The following MME variants were observed in gnomAD, a reference collection of about 807,000 sequenced individuals.
MME encodes the protein neprilysin.
Under a neutral mutation model 113.2 loss-of-function variants are expected in MME, and 98 were observed. That is an observed-to-expected ratio of 0.87 (90% CI 0.74 to 1.02). The LOEUF is 1.02. Ranked by LOEUF, MME falls within the 50% of genes least tolerant of loss-of-function variation. The pLI, the probability that MME is intolerant of heterozygous loss-of-function variation, is 0.00. For missense variants in MME, 836 were observed against 896.0 expected (o/e 0.93, Z 0.86); for synonymous variants, 292 against 300.6 (o/e 0.97, Z 0.30).
chr3:155,027,293 C>T (rs1712819541), intron 1 of MME, among the ~76,000 whole-genome samples: 1 of 146,524 alleles, frequency 6.8e-6, no homozygotes, highest in Non-Finnish European at 1.5e-5. Flanking sequence ...ACACTTCCCT[C>T]ATCTACACAA....
intron 1 of MME, among the ~76,000 whole-genome samples, chr3:155,051,712 G>A (rs1713769525): frequency 6.6e-6 from 1 of 152,138 alleles, no homozygotes; most frequent in Non-Finnish European, 1.5e-5. Context: ...TACAATTCAA[G>A]ATGAGATTTT....
At chr3:155,084,473 A>T in intron 2 of MME, 146 bp downstream of exon 2, 2 of 791,550 alleles carry the variant, frequency 2.5e-6, no homozygotes, top group South Asian at 3.2e-5. Flanking sequence ...TGTAACATCA[A>T]TATGTCAAAA....
intron 1 of MME, among the ~76,000 whole-genome samples, chr3:155,071,348 AAC>A (rs1714547745): frequency 6.6e-6 from 1 of 152,184 alleles, no homozygotes; most frequent in East Asian, 1.9e-4. Context: ...CAGCACATGG[AAC>A]AGTTTAGCCA....
intron 1 of MME, among the ~76,000 whole-genome samples, chr3:155,049,197 C>T (rs1484063508): frequency 2.6e-5 from 4 of 152,012 alleles, no homozygotes; most frequent in African/African-American, 9.7e-5. Context: ...CAGAATATTA[C>T]CTTATTTAGA....
intron 16 of MME, among the ~76,000 whole-genome samples, chr3:155,149,181 A>G (rs1028987680): frequency 2.0e-5 from 3 of 152,180 alleles, no homozygotes; most frequent in African/African-American, 7.2e-5. Flanking sequence ...TCTGCTTATT[A>G]GTGACATTAG....
chr3:155,147,263 T>C, intron 15 of MME, 39 bp downstream of exon 15: 1 of 1,230,692 alleles, frequency 8.1e-7, no homozygotes, highest in Non-Finnish European at 1.2e-6. Context: ...TACTGATACT[T>C]AGGGCTGGTA....
intron 1 of MME, among the ~76,000 whole-genome samples, chr3:155,032,945 A>T (rs1350869082): frequency 6.6e-6 from 1 of 152,186 alleles, no homozygotes; most frequent in Non-Finnish European, 1.5e-5. Flanking sequence ...ACAATGATCT[A>T]ATTAGCTGAG....
intron 3 of MME, 52 bp downstream of exon 3, chr3:155,085,146 A>G (rs768014053): frequency 1.7e-6 from 2 of 1,153,406 alleles, no homozygotes; most frequent in Admixed American, 1.8e-5. Context: ...TATAATATTT[A>G]AAATTAAATG....
intron 16 of MME, among the ~76,000 whole-genome samples, chr3:155,152,072 C>T (rs1576649069): frequency 6.6e-6 from 1 of 152,088 alleles, no homozygotes; most frequent in African/African-American, 2.4e-5. Flanking sequence ...TGAAGAGAAC[C>T]AAGGCTCTTC....
At chr3:155,168,967 G>T (rs772342712) in intron 20 of MME, 170 bp downstream of exon 20, 10 of 614,970 alleles carry the variant, frequency 1.6e-5, no homozygotes, top group African/African-American at 1.5e-4. Flanking sequence ...AACCATAAGG[G>T]TCAATACATT....
At chr3:155,039,937 A>T (rs73874464) in intron 1 of MME, among the ~76,000 whole-genome samples, 7 of 152,070 alleles carry the variant, frequency 4.6e-5, no homozygotes, top group Non-Finnish European at 7.4e-5. Flanking sequence ...TAAAGATAAA[A>T]TTTTTTTAAC....
rs1720610466 is a variant in MME, at chr3:155,136,094, G to C, written c.721-2008G>C. Among the ~76,000 whole-genome samples, 4 of 152,272 alleles carry C rather than the reference G, an allele frequency of 2.6e-5. No homozygotes were observed. In the South Asian group the frequency reaches 8.3e-4, roughly 32 times the overall value. On this transcript the variant is annotated intron_variant, in intron 8 of 22. Coordinates refer to ENST00000360490, the MANE Select transcript of MME (RefSeq NM_007289.4). ...GAATCATATCATTAGTGAAAAGAGA[G>C]AGTTTGACTTCTTTTCCTATTTGGA...
At chr3:155,139,946 A>G (rs1261612466) in intron 9 of MME, among the ~76,000 whole-genome samples, 1 of 152,166 alleles carries the variant, frequency 6.6e-6, no homozygotes, top group East Asian at 1.9e-4. Context: ...TTGTCAAAAT[A>G]TAGACAGATT....
At chr3:155,177,349 G>C (rs1380222172) in intron 22 of MME, among the ~76,000 whole-genome samples, 2 of 152,324 alleles carry the variant, frequency 1.3e-5, no homozygotes, top group Admixed American at 1.3e-4. Context: ...TCTTTAGCCA[G>C]TAGCTAGGCA....
chr3:155,073,666 A>C (rs1476112650), intron 1 of MME, among the ~76,000 whole-genome samples: 2 of 152,172 alleles, frequency 1.3e-5, no homozygotes, highest in African/African-American at 4.8e-5. Context: ...TATCTGTATC[A>C]AGCCAGATAA....
chr3:155,072,944 G>A (rs887913187), intron 1 of MME, among the ~76,000 whole-genome samples: 10 of 152,210 alleles, frequency 6.6e-5, no homozygotes, highest in Non-Finnish European at 1.2e-4. Context: ...TAGAGTTATC[G>A]TTTCCTTGGA....
chr3:155,050,184 G>A (rs150801590), intron 1 of MME, among the ~76,000 whole-genome samples: 2,005 of 152,192 alleles, frequency 0.013, 43 homozygotes, highest in African/African-American at 0.046. Flanking sequence ...TTATGGCTGC[G>A]TAGTATTCCA....
intron 3 of MME, among the ~76,000 whole-genome samples, chr3:155,089,506 T>C (rs1383156746): frequency 2.6e-5 from 4 of 152,212 alleles, no homozygotes; most frequent in African/African-American, 9.6e-5. Context: ...AGCAGTCCTC[T>C]CCTAGTTGTG....
At chr3:155,136,752 G>A (rs879595429) in intron 8 of MME, among the ~76,000 whole-genome samples, 7 of 152,122 alleles carry the variant, frequency 4.6e-5, no homozygotes, top group Non-Finnish European at 1.0e-4. Context: ...ATATATGGAT[G>A]TTCCTTCCAC....
Sources: allele counts gnomAD v4.1 joint callset (sites outside exome capture counted in the v4.1 genomes callset), GRCh38; gene constraint gnomAD v4.1.1; transcripts MANE v1.5; gene names NCBI Gene and HGNC (gene_info 2026-07-23, HGNC 2026-07-21).